Variants in SOX6 observed in about 807,000 individuals in gnomAD.
The protein encoded by SOX6 is SRY-box transcription factor 6, also known as transcription factor SOX-6.
SOX6 carries 11 observed loss-of-function variants against 97.8 expected under a neutral mutation model. That is an observed-to-expected ratio of 0.11 (90% CI 0.07 to 0.19). The LOEUF (loss-of-function observed/expected upper bound fraction) is 0.19. Among genes scored for constraint, SOX6 ranks in the 10% least tolerant of loss-of-function variants. The pLI is 1.00. For missense variants in SOX6, 810 were observed against 1,039.5 expected (o/e 0.78, Z 3.04); for synonymous variants, 360 against 371.4 (o/e 0.97, Z 0.35).
intron 4 of SOX6, among the ~76,000 whole-genome samples, chr11:16,226,718 A>G (rs187278045): frequency 1.1e-4 from 12 of 114,246 alleles, no homozygotes; most frequent in African/African-American, 3.8e-4. Context: ...CTTACCCTGT[A>G]TCCTTCCACC....
chr11:16,211,735 A>C (rs996743383), intron 4 of SOX6, among the ~76,000 whole-genome samples: 1 of 152,188 alleles, frequency 6.6e-6, no homozygotes, highest in Non-Finnish European at 1.5e-5. Flanking sequence ...AGTGTCTCAC[A>C]TTGGTTGAAC....
At chr11:16,656,074 GAAAGAAGTCTTGCTTTTT>G (rs1689339913) in intron 3 of SOX6, among the ~76,000 whole-genome samples, 2 of 151,826 alleles carry the variant, frequency 1.3e-5, no homozygotes, top group African/African-American at 4.8e-5. Context: ...GTGACACAAA[GAAAGAAGTCTTGCTTTTT>G]TTTTTGAGAA....
At chr11:16,599,404 G>A (rs1335897015) in intron 4 of SOX6, among the ~76,000 whole-genome samples, 2 of 152,104 alleles carry the variant, frequency 1.3e-5, no homozygotes, top group African/African-American at 4.8e-5. Context: ...CCAATTGTTA[G>A]ATTTTGTATT....
chr11:16,487,307 C>T (rs534684376), intron 4 of SOX6, among the ~76,000 whole-genome samples: 4 of 152,112 alleles, frequency 2.6e-5, no homozygotes, highest in Admixed American at 6.5e-5. Flanking sequence ...AAGATACAAG[C>T]AAGTCTTCAG....
intron 4 of SOX6, 129 bp downstream of exon 4, chr11:16,234,453 C>T: frequency 1.7e-6 from 1 of 582,494 alleles, no homozygotes; most frequent in South Asian, 2.3e-5. Flanking sequence ...ATAATATTCA[C>T]CCTCTCATGT....
chr11:16,595,978 C>A (rs2133975058), intron 4 of SOX6, among the ~76,000 whole-genome samples: 1 of 152,242 alleles, frequency 6.6e-6, no homozygotes, highest in Admixed American at 6.5e-5. Context: ...AATTTATTTT[C>A]ATATTATCCC....
At chr11:16,100,047 T>C (rs1848905420) in intron 7 of SOX6, among the ~76,000 whole-genome samples, 1 of 151,334 alleles carries the variant, frequency 6.6e-6, no homozygotes, top group South Asian at 2.1e-4. Flanking sequence ...AAGAGGGAGA[T>C]TACAAGTAGA....
chr11:16,132,326 GGAA>G (rs1849778235), intron 6 of SOX6, among the ~76,000 whole-genome samples: 6 of 66,306 alleles, frequency 9.0e-5, no homozygotes, highest in East Asian at 4.1e-4. Flanking sequence ...AAGGAAGGAA[GGAA>G]GGAAAGAAAA....
At chr11:16,039,200 A>T (rs531020065) in intron 12 of SOX6, among the ~76,000 whole-genome samples, 1 of 152,042 alleles carries the variant, frequency 6.6e-6, no homozygotes, top group East Asian at 1.9e-4. Flanking sequence ...TTTAGTTTTT[A>T]TGTTGTTTTA....
chr11:16,361,002 CAA>C (rs763865872), upstream of SOX6, among the ~76,000 whole-genome samples: 29 of 136,832 alleles, frequency 2.1e-4, no homozygotes, highest in African/African-American at 3.7e-4. Flanking sequence ...GACTCCATCT[CAA>C]AAAAAAAAAA....
intron 6 of SOX6, among the ~76,000 whole-genome samples, chr11:16,164,171 G>A (rs575029074): frequency 4.6e-5 from 7 of 152,168 alleles, no homozygotes; most frequent in Non-Finnish European, 8.8e-5. Context: ...GTCTCACTAT[G>A]TTGCCCAGGC....
At chr11:16,214,078 A>G (rs1194313641) in intron 4 of SOX6, among the ~76,000 whole-genome samples, 1 of 152,208 alleles carries the variant, frequency 6.6e-6, no homozygotes, top group East Asian at 1.9e-4. Context: ...GATAGCCATA[A>G]CAAGGTATGT....
At chr11:16,496,524 G>A (rs566228594) in intron 4 of SOX6, among the ~76,000 whole-genome samples, 52 of 152,226 alleles carry the variant, frequency 3.4e-4, no homozygotes, top group Non-Finnish European at 5.6e-4. Context: ...GCAAGGCATC[G>A]CCTCACCCGG....
At chr11:16,308,598 A>G (rs1855508403) in intron 3 of SOX6, among the ~76,000 whole-genome samples, 1 of 152,194 alleles carries the variant, frequency 6.6e-6, no homozygotes. Flanking sequence ...CTATTTCAAT[A>G]TAAATGGTTG....
intron 4 of SOX6, among the ~76,000 whole-genome samples, chr11:16,495,812 A>G (rs535064001): frequency 2.6e-5 from 4 of 152,234 alleles, no homozygotes; most frequent in South Asian, 2.1e-4. Flanking sequence ...GTGCCAATGT[A>G]TGACACTCTA....
At chr11:16,147,682 A>G (rs1230618616) in intron 6 of SOX6, among the ~76,000 whole-genome samples, 1 of 152,090 alleles carries the variant, frequency 6.6e-6, no homozygotes, top group East Asian at 1.9e-4. Context: ...ATGAACACCG[A>G]AATTTCCTTT....
intron 9 of SOX6, among the ~76,000 whole-genome samples, chr11:16,058,944 A>G (rs1390094807): frequency 6.6e-6 from 1 of 152,092 alleles, no homozygotes; most frequent in Non-Finnish European, 1.5e-5. Flanking sequence ...TCAACCAGTC[A>G]TCCTGTCTAC....
intron 4 of SOX6, among the ~76,000 whole-genome samples, chr11:16,225,737 T>A (rs908440970): frequency 6.6e-6 from 1 of 152,196 alleles, no homozygotes; most frequent in Admixed American, 6.6e-5. Context: ...CAAAGATCTA[T>A]CATGCAGTGA....
chr11:16,574,011 T>C (rs1847960749), intron 4 of SOX6, among the ~76,000 whole-genome samples: 2 of 152,152 alleles, frequency 1.3e-5, no homozygotes, highest in Admixed American at 6.5e-5. Context: ...AGAGAGAAAA[T>C]ATGTTAATAT....
Sources: allele counts gnomAD v4.1 joint callset (sites outside exome capture counted in the v4.1 genomes callset), GRCh38; gene constraint gnomAD v4.1.1; transcripts MANE v1.5; gene names NCBI Gene and HGNC (gene_info 2026-07-23, HGNC 2026-07-21).